The following NRDC variants were observed in gnomAD, a reference collection of about 807,000 sequenced individuals.
The protein encoded by NRDC is nardilysin.
Under a neutral mutation model 147.1 loss-of-function variants are expected in NRDC, and 54 were observed. The ratio of observed to expected loss-of-function variants is 0.37; its 90% confidence interval spans 0.29 to 0.46. The LOEUF is 0.46. Ranked by LOEUF, NRDC falls within the 20% of genes least tolerant of loss-of-function variation. The pLI is 1.00. For missense variants in NRDC, 1,082 were observed against 1,370.6 expected (o/e 0.79, Z 3.33); for synonymous variants, 440 against 482.1 (o/e 0.91, Z 1.14).
At chr1:51,852,279 T>A (rs1472741017) in intron 1 of NRDC, among the ~76,000 whole-genome samples, 1 of 151,974 alleles carries the variant, frequency 6.6e-6, no homozygotes, top group Non-Finnish European at 1.5e-5. Context: ...TGGGGGAGAA[T>A]ATCTTTGGGG....
At chr1:51,847,561 A>G (rs1681712588) in intron 1 of NRDC, among the ~76,000 whole-genome samples, 2 of 152,198 alleles carry the variant, frequency 1.3e-5, no homozygotes, top group Non-Finnish European at 2.9e-5. Flanking sequence ...AATCGAGCGC[A>G]GCGCCAGTGG....
rs1678661494 is a variant in NRDC at position 51,791,644 on chromosome 1, G to C, written c.2894C>G (p.Thr965Ser). 1 of 1,613,574 alleles carries C rather than the reference G, an allele frequency of 6.2e-7. No individual in the cohort carries two copies. Among genetic ancestry groups the C allele is most frequent in the Non-Finnish European group, 8.5e-7 (1 of 1,179,652 alleles). ...TAGAATCCCGGATGTGTTCCTACAGGTAGGGTAGACATGGTACCTACAAGC... is the reference window on the plus strand; with the variant it reads ...TAGAATCCCGGATGTGTTCCTACAGCTAGGGTAGACATGGTACCTACAAGC... The part of the protein sequence containing the change: ...KQTLGYHVYP[T>S]CRNTSGILGF... Residue 965 changes from threonine (T) to serine (S), a missense_variant, in exon 27 of 31, where the codon ACC becomes AGC. This residue lies in a region of NRDC where 635 missense variants were observed against 923.8 expected (regional missense o/e 0.69). Coordinates refer to ENST00000352171, the MANE Select transcript of NRDC (RefSeq NM_001101662.2).
At chr1:51,849,633 G>A (rs774710909) in intron 1 of NRDC, among the ~76,000 whole-genome samples, 4 of 151,056 alleles carry the variant, frequency 2.6e-5, no homozygotes, top group Non-Finnish European at 4.4e-5. Context: ...TGGCTAACAC[G>A]GTGAAACCCC....
intron 7 of NRDC, among the ~76,000 whole-genome samples, chr1:51,822,861 C>T (rs1332934669): frequency 1.3e-5 from 2 of 152,146 alleles, no homozygotes; most frequent in Non-Finnish European, 2.9e-5. Flanking sequence ...AAATGTTTTA[C>T]ATCTAAGAGC....
chr1:51,823,887 A>T, intron 6 of NRDC, 101 bp from the exon 7 acceptor site: 1 of 728,832 alleles, frequency 1.4e-6, no homozygotes, highest in Non-Finnish European at 2.2e-6. Flanking sequence ...TGATTAATGA[A>T]ATAACCCAAG....
At position 51,878,027 on chromosome 1, in the gene NRDC, C is replaced by T. The variant is rs1683418807; in HGVS notation, c.341+248G>A. The T allele has an allele frequency of 3.0e-6, 4 of 1,350,890 alleles. No individual in the cohort carries two copies. The African/African-American group carries it at 4.4e-5, about 15-fold the overall frequency. The allele number at this position is 1,350,890 out of a possible 1,614,324, so 83.7% of individuals were successfully genotyped here. Reference sequence around the variant, plus strand: ...AAAGAAACCTTCATTCTTGCTTTAGCGACTGTATTCAAATGACTCGAAAAG... The same window carrying T: ...AAAGAAACCTTCATTCTTGCTTTAGTGACTGTATTCAAATGACTCGAAAAG... On this transcript the variant is annotated intron_variant, in intron 1 of 30. Transcript: ENST00000352171.
rs1388230011 is a variant in NRDC, at chr1:51,852,737, A to G, written c.342-12223T>C. Among the ~76,000 whole-genome samples, 3 of 152,006 alleles carry G rather than the reference A, an allele frequency of 2.0e-5. No homozygotes were observed. The East Asian group carries it at 5.8e-4, about 29-fold the overall frequency. ...GTGATCACACTGAACTATAAATATA[A>G]TTGCCTTTTTGTTATGCTTCCTTGT... On this transcript the variant is annotated intron_variant, in intron 1 of 30. Coordinates refer to ENST00000352171, the MANE Select transcript of NRDC (RefSeq NM_001101662.2).
At chr1:51,871,241 C>A (rs958957990) in intron 1 of NRDC, among the ~76,000 whole-genome samples, 1 of 152,032 alleles carries the variant, frequency 6.6e-6, no homozygotes, top group Non-Finnish European at 1.5e-5. Flanking sequence ...TGCTTGAACT[C>A]GGGAAGTGGA....
chr1:51,840,328 A>C lies in NRDC; in HGVS notation c.528T>G (p.Asp176Glu), dbSNP rs374714091. ...DDDEEGFDDE[D>E]EFDDEHDDDL... Reference sequence around the variant, plus strand: ...CATCATCATGTTCATCATCAAACTCATCTTCATCATCAAAACCCTCTTCAT... The same window carrying C: ...CATCATCATGTTCATCATCAAACTCCTCTTCATCATCAAAACCCTCTTCAT... Residue 176 changes from aspartate to glutamate, a missense_variant, in exon 2 of 31, where the codon GAT becomes GAG. Coordinates refer to ENST00000352171, the MANE Select transcript of NRDC (RefSeq NM_001101662.2). 3.4e-5 allele frequency: 53 copies of C among 1,536,302 alleles called. 1 individual carries two copies. The South Asian group carries it at 4.0e-4, about 12-fold the overall frequency.
intron 1 of NRDC, among the ~76,000 whole-genome samples, chr1:51,866,580 T>G (rs1446553350): frequency 6.6e-6 from 1 of 151,338 alleles, no homozygotes; most frequent in Non-Finnish European, 1.5e-5. Context: ...CAAATGACAA[T>G]AGGAAAATAG....
chr1:51,878,020 G>A, intron 1 of NRDC: 2 of 1,336,550 alleles, frequency 1.5e-6, no homozygotes, highest in Non-Finnish European at 1.9e-6. Flanking sequence ...CTTCATTCTT[G>A]CTTTAGCGAC....
At chr1:51,823,543 T>C (rs1680304552) in intron 7 of NRDC, 121 bp downstream of exon 7, 2 of 605,042 alleles carry the variant, frequency 3.3e-6, no homozygotes, top group East Asian at 3.4e-5. Context: ...TGATTTCCTT[T>C]ACTTTGTATT....
chr1:51,836,074 T>C lies in NRDC; in HGVS notation c.712+57A>G, dbSNP rs540329584. 3.1e-6 allele frequency: 4 copies of C among 1,295,182 alleles called. No homozygotes were observed. The South Asian group carries it at 3.6e-5, about 12-fold the overall frequency. The allele number at this position is 1,295,182 out of a possible 1,614,324, so 80.2% of individuals were successfully genotyped here. Reference sequence around the variant, plus strand: ...CTTGCTAATCTTTGATATCAATTCATATAAGTTTGGAGGGGGGAAAAAAAC... The same window carrying C: ...CTTGCTAATCTTTGATATCAATTCACATAAGTTTGGAGGGGGGAAAAAAAC... On this transcript the variant is annotated intron_variant, in intron 3 of 30. Transcript: ENST00000352171.
intron 19 of NRDC, among the ~76,000 whole-genome samples, chr1:51,804,610 C>T (rs964329839): frequency 6.6e-6 from 1 of 151,840 alleles, no homozygotes; most frequent in East Asian, 1.9e-4. Context: ...CAAGTATCTC[C>T]TAGGTTCAGA....
At chr1:51,836,487 G>C (rs756979724) in intron 2 of NRDC, 30 of 1,467,064 alleles carry the variant, frequency 2.0e-5, no homozygotes, top group Middle Eastern at 1.9e-4. Context: ...AGAGGGACTG[G>C]ACAGCCCACC....
intron 1 of NRDC, among the ~76,000 whole-genome samples, chr1:51,853,237 A>ATG (rs1682070473): frequency 6.6e-6 from 1 of 150,548 alleles, no homozygotes. Flanking sequence ...ATATATATAT[A>ATG]TATTATATAA....
At chr1:51,845,383 G>A (rs9436463) in intron 1 of NRDC, among the ~76,000 whole-genome samples, 1,753 of 152,160 alleles carry the variant, frequency 0.012, 30 homozygotes, top group African/African-American at 0.04. Context: ...ACTTGAGGTC[G>A]GGAGTTAAAG....
At chr1:51,802,031 C>T (rs942158234) in intron 20 of NRDC, among the ~76,000 whole-genome samples, 2 of 152,178 alleles carry the variant, frequency 1.3e-5, no homozygotes, top group Admixed American at 1.3e-4. Flanking sequence ...TCGTGATCCG[C>T]CCGCCTCAGC....
Position 51,802,592 on chromosome 1 carries a change from T to C in NRDC, c.2313+1222A>G, listed in dbSNP as rs553701038. On this transcript the variant is annotated intron_variant, in intron 20 of 30. Coordinates refer to ENST00000352171, the MANE Select transcript of NRDC (RefSeq NM_001101662.2). ...CTGACAAAGTAAAATTATTCTTGGC[T>C]TGTTGCTGATGTCAGTGATCATCAT... Among the ~76,000 whole-genome samples, 15 of 152,322 alleles carry C rather than the reference T, an allele frequency of 9.8e-5. No homozygotes were observed. In the South Asian group the frequency reaches 3.1e-3, roughly 32 times the overall value.
Sources: allele counts gnomAD v4.1 joint callset (sites outside exome capture counted in the v4.1 genomes callset), GRCh38; gene constraint gnomAD v4.1.1; regional missense constraint gnomAD v4.1.1; transcripts MANE v1.5; gene names NCBI Gene and HGNC (gene_info 2026-07-23, HGNC 2026-07-21).